RERE: variants seen among roughly 807,000 people sequenced by gnomAD.
RERE encodes the protein arginine-glutamic acid dipeptide repeats protein.
RERE carries 40 observed loss-of-function variants against 146.1 expected under a neutral mutation model. The observed-to-expected ratio is 0.27, with a 90% CI of 0.21 to 0.36. RERE has a LOEUF of 0.36. Ranked by LOEUF, RERE falls within the 10% of genes least tolerant of loss-of-function variation. The pLI is 1.00. For synonymous variants in RERE, 1,003 were observed against 866.0 expected (o/e 1.16, Z -2.78); for missense variants, 1,933 against 2,138.7 (o/e 0.90, Z 1.90).
intron 11 of RERE, among the ~76,000 whole-genome samples, chr1:8,449,793 G>T (rs1299501983): frequency 6.6e-6 from 1 of 152,092 alleles, no homozygotes; most frequent in Non-Finnish European, 1.5e-5. Context: ...ATTGGATGGG[G>T]GTCAGTAATT....
chr1:8,438,471 G>A (rs756697125), intron 11 of RERE, among the ~76,000 whole-genome samples: 13 of 152,208 alleles, frequency 8.5e-5, no homozygotes, highest in Admixed American at 6.5e-4. Context: ...CAGGTTCACA[G>A]CAAAACGGAA....
At chr1:8,756,014 A>G (rs1640632930) in intron 1 of RERE, among the ~76,000 whole-genome samples, 1 of 152,178 alleles carries the variant, frequency 6.6e-6, no homozygotes, top group Admixed American at 6.5e-5. Flanking sequence ...CCAAATTATC[A>G]GTCAAGTGTG....
At chr1:8,498,738 C>T (rs1325145272) in intron 8 of RERE, among the ~76,000 whole-genome samples, 26 of 147,094 alleles carry the variant, frequency 1.8e-4, no homozygotes, top group Middle Eastern at 3.4e-3. Flanking sequence ...TATATACACA[C>T]ACACACACAC....
rs142376573 is a variant in RERE, at chr1:8,656,289, C to T, written c.9G>A (p.Ala3=). Residue 3 remains alanine, a synonymous_variant, in exon 2 of 23, where the codon GCG becomes GCA. Coordinates refer to ENST00000400908, the MANE Select transcript of RERE (RefSeq NM_001042681.2). MT[A]DKDKDKDKEK... ...CTTTGTCTTTGTCTTTGTCTTTGTC[C>T]GCTGTCATGATTCGCCACGTGCCTT... is the stretch of plus-strand genomic sequence containing the variant. The T allele has an allele frequency of 5.0e-6, 8 of 1,612,488 alleles. No individual in the cohort carries two copies. In the African/African-American group the frequency reaches 5.4e-5, roughly 11 times the overall value.
intron 12 of RERE, among the ~76,000 whole-genome samples, chr1:8,399,384 T>C (rs932338310): frequency 6.6e-6 from 1 of 152,198 alleles, no homozygotes; most frequent in African/African-American, 2.4e-5. Context: ...CAATCTTATT[T>C]TATTTTGTTC....
chr1:8,510,188 C>T (rs1645315346), intron 7 of RERE, among the ~76,000 whole-genome samples: 1 of 152,118 alleles, frequency 6.6e-6, no homozygotes, highest in Non-Finnish European at 1.5e-5. Context: ...TGTACCAAAA[C>T]ACCAGAACAG....
Position 8,465,927 on chromosome 1 carries a change from C to G in RERE, c.1201G>C (p.Val401Leu), listed in dbSNP as rs143960067. 4 of 1,614,022 alleles carry G rather than the reference C, an allele frequency of 2.5e-6. No individual in the cohort carries two copies. Among genetic ancestry groups the G allele is most frequent in the African/African-American group, 1.3e-5 (1 of 75,052 alleles). The change falls in exon 11 of 23, where the codon GTG (valine) becomes CTG (leucine). Residue 401 changes from valine to leucine, a missense_variant and splice_region_variant. This residue lies in a region of RERE where 260 missense variants were observed against 378.4 expected (regional missense o/e 0.69). Transcript: ENST00000400908. ...GGCAAATGCTGGTTCCTGCTCACCA[C>G]TTCGTCCTCGGTCCAGCACTTCTCG... ...LIEKCWTEDE[V>L]KRFVKGLRQY...
intron 11 of RERE, among the ~76,000 whole-genome samples, chr1:8,455,975 T>C (rs781310121): frequency 2.0e-5 from 3 of 152,082 alleles, no homozygotes; most frequent in Non-Finnish European, 4.4e-5. Flanking sequence ...AGAACACTAC[T>C]AGGGAACATT....
chr1:8,371,638 G>T (rs1396456239), intron 12 of RERE, among the ~76,000 whole-genome samples: 1 of 152,182 alleles, frequency 6.6e-6, no homozygotes, highest in Non-Finnish European at 1.5e-5. Flanking sequence ...CTTTATTTCT[G>T]CCCCCTCCAG....
intron 12 of RERE, among the ~76,000 whole-genome samples, chr1:8,408,818 G>T (rs1419427173): frequency 6.6e-6 from 1 of 152,228 alleles, no homozygotes; most frequent in African/African-American, 2.4e-5. Flanking sequence ...TGCCGTGAGT[G>T]CTGCGGGGAG....
intron 1 of RERE, among the ~76,000 whole-genome samples, chr1:8,727,794 T>C (rs926446415): frequency 8.6e-5 from 13 of 152,046 alleles, no homozygotes; most frequent in African/African-American, 3.1e-4. Flanking sequence ...GCCCGGCCAA[T>C]TACCCACTAT....
At chr1:8,560,463 C>T (rs1457151589) in intron 4 of RERE, among the ~76,000 whole-genome samples, 1 of 152,108 alleles carries the variant, frequency 6.6e-6, no homozygotes, top group Non-Finnish European at 1.5e-5. Flanking sequence ...CTGGTTCGAG[C>T]ACTACAGGGT....
chr1:8,453,276 C>T (rs1223919033), intron 11 of RERE, among the ~76,000 whole-genome samples: 2 of 152,164 alleles, frequency 1.3e-5, no homozygotes, highest in Non-Finnish European at 2.9e-5. Context: ...TGGAGAATTT[C>T]ATTTCCATGG....
chr1:8,458,022 C>T (rs1356010029), intron 11 of RERE, among the ~76,000 whole-genome samples: 19 of 152,176 alleles, frequency 1.2e-4, no homozygotes, highest in Admixed American at 1.1e-3. Flanking sequence ...TCCCAACATT[C>T]AATTCCAGTT....
At chr1:8,497,962 A>G (rs1353103873) in intron 8 of RERE, among the ~76,000 whole-genome samples, 4 of 152,268 alleles carry the variant, frequency 2.6e-5, no homozygotes, top group Non-Finnish European at 4.4e-5. Flanking sequence ...TTGCTAAAAA[A>G]TTAAGTGAGC....
At chr1:8,804,914 C>T (rs761409946) in intron 1 of RERE, among the ~76,000 whole-genome samples, 13 of 152,010 alleles carry the variant, frequency 8.6e-5, no homozygotes, top group Non-Finnish European at 1.5e-5. Flanking sequence ...TGAATCTAAT[C>T]CTATCTAACA....
At chr1:8,805,623 T>C (rs1038662136) in intron 1 of RERE, among the ~76,000 whole-genome samples, 5 of 142,414 alleles carry the variant, frequency 3.5e-5, no homozygotes, top group Non-Finnish European at 7.6e-5. Flanking sequence ...CGCTCTACCC[T>C]GGGCGATAAG....
At chr1:8,764,788 A>C (rs992622011) in intron 1 of RERE, among the ~76,000 whole-genome samples, 2 of 152,242 alleles carry the variant, frequency 1.3e-5, no homozygotes, top group African/African-American at 4.8e-5. Flanking sequence ...ATGCAAATCA[A>C]AACTGTAAGA....
chr1:8,600,406 CTT>C, intron 4 of RERE, among the ~76,000 whole-genome samples: 1 of 152,266 alleles, frequency 6.6e-6, no homozygotes, highest in Non-Finnish European at 1.5e-5. Flanking sequence ...CATCAGATAT[CTT>C]TGTGCATTTC....
Sources: gnomAD v4.1 joint callset for allele counts (sites outside exome capture counted in the v4.1 genomes callset) on GRCh38, gnomAD v4.1.1 for gene constraint, gnomAD v4.1.1 regional missense constraint, MANE v1.5 for transcripts, NCBI Gene and HGNC (gene_info 2026-07-23, HGNC 2026-07-21) for gene names.